The following AUTS2 variants were observed in gnomAD, a reference collection of about 807,000 sequenced individuals.
The protein encoded by AUTS2 is activator of transcription and developmental regulator AUTS2, also known as autism susceptibility gene 2 protein.
In AUTS2, 17 loss-of-function variants were observed where a neutral mutation model predicts 112.4. The observed-to-expected ratio is 0.15, with a 90% confidence interval of 0.10 to 0.23. The LOEUF is 0.23. AUTS2 is among the 10% of genes least tolerant of loss of function. The pLI is 1.00. For missense variants in AUTS2, 1,510 were observed against 1,701.6 expected (o/e 0.89, Z 1.98); for synonymous variants, 751 against 702.7 (o/e 1.07, Z -1.09).
chr7:69,671,239 T>C (rs1260260311), intron 1 of AUTS2, among the ~76,000 whole-genome samples: 1 of 152,168 alleles, frequency 6.6e-6, no homozygotes, highest in Non-Finnish European at 1.5e-5. Context: ...GAGAAGAAAC[T>C]TCTAGACCTT....
chr7:70,159,067 A>G (rs1807940496), intron 4 of AUTS2, among the ~76,000 whole-genome samples: 1 of 152,158 alleles, frequency 6.6e-6, no homozygotes. Context: ...CGTAGCATCA[A>G]CCTGCATCTT....
intron 1 of AUTS2, among the ~76,000 whole-genome samples, chr7:69,853,070 T>C (rs1792560936): frequency 6.6e-6 from 1 of 152,210 alleles, no homozygotes; most frequent in Non-Finnish European, 1.5e-5. Flanking sequence ...GTCTATGTTA[T>C]TTGTTCTGAG....
intron 5 of AUTS2, among the ~76,000 whole-genome samples, chr7:70,481,348 C>A (rs932742015): frequency 1.3e-5 from 2 of 152,152 alleles, no homozygotes; most frequent in Admixed American, 1.3e-4. Context: ...TGAATAAATG[C>A]CACGTCATGA....
intron 5 of AUTS2, among the ~76,000 whole-genome samples, chr7:70,482,401 A>G (rs1427018973): frequency 3.9e-5 from 6 of 152,174 alleles, no homozygotes; most frequent in Admixed American, 1.3e-4. Context: ...GAGGTCAAGG[A>G]AGGGAAAGGA....
At chr7:70,754,372 C>T (rs1199784530) in intron 6 of AUTS2, among the ~76,000 whole-genome samples, 1 of 152,078 alleles carries the variant, frequency 6.6e-6, no homozygotes, top group Non-Finnish European at 1.5e-5. Flanking sequence ...GCCTCAGCCT[C>T]CCAGCTACTT....
At chr7:69,898,899 A>G (rs148939213) in intron 1 of AUTS2, among the ~76,000 whole-genome samples, 74 of 152,286 alleles carry the variant, frequency 4.9e-4, no homozygotes, top group African/African-American at 1.7e-3. Flanking sequence ...CTTAGTGCTC[A>G]TTTTCTGAAA....
intron 5 of AUTS2, among the ~76,000 whole-genome samples, chr7:70,516,010 C>T (rs1476854330): frequency 6.6e-6 from 1 of 152,156 alleles, no homozygotes; most frequent in Non-Finnish European, 1.5e-5. Flanking sequence ...TTCATTTCTG[C>T]CCTGCTCTAA....
intron 1 of AUTS2, among the ~76,000 whole-genome samples, chr7:69,875,707 C>CCTTA (rs1374642014): frequency 6.6e-6 from 1 of 152,072 alleles, no homozygotes; most frequent in Non-Finnish European, 1.5e-5. Context: ...CCCAATTGAA[C>CCTTA]CTTATGGAGA....
intron 3 of AUTS2, among the ~76,000 whole-genome samples, chr7:70,128,141 C>T (rs1221281018): frequency 6.6e-6 from 1 of 152,142 alleles, no homozygotes; most frequent in Admixed American, 6.5e-5. Context: ...AAATCTGTGC[C>T]ACATTTTCCT....
chr7:70,029,827 G>T (rs926856399), intron 2 of AUTS2, among the ~76,000 whole-genome samples: 1 of 152,138 alleles, frequency 6.6e-6, no homozygotes, highest in Non-Finnish European at 1.5e-5. Context: ...CACAGCAATC[G>T]TAATATGAAA....
chr7:69,727,855 A>G (rs1489192798), intron 1 of AUTS2, among the ~76,000 whole-genome samples: 1 of 152,136 alleles, frequency 6.6e-6, no homozygotes, highest in East Asian at 1.9e-4. Flanking sequence ...TCCAGTTCTT[A>G]AAAAGAAAGG....
intron 1 of AUTS2, among the ~76,000 whole-genome samples, chr7:69,706,493 A>G (rs540739734): frequency 6.6e-6 from 1 of 152,312 alleles, no homozygotes; most frequent in African/African-American, 2.4e-5. Context: ...AGGCCAGGAT[A>G]GTTGAGTTTT....
rs1231041380 is a variant in AUTS2, at chr7:70,082,507, AAGG to A, written c.523-35623_523-35621del. ...TCTGGTTTTAATGATGGAATTCCCAAAGGACTAAAATTGTTCCAAATGTCTGAA... is the reference window on the plus strand; with the variant it reads ...TCTGGTTTTAATGATGGAATTCCCAAACTAAAATTGTTCCAAATGTCTGAA... On this transcript the variant is annotated intron_variant, in intron 2 of 18. Coordinates refer to ENST00000342771, the MANE Select transcript of AUTS2 (RefSeq NM_015570.4). 2.6e-5 allele frequency among the ~76,000 whole-genome samples: 4 copies of A among 152,308 alleles called. No homozygotes were observed. In the East Asian group the frequency reaches 7.7e-4, roughly 29 times the overall value.
chr7:70,536,753 A>G (rs1266959485), intron 5 of AUTS2, among the ~76,000 whole-genome samples: 6 of 151,760 alleles, frequency 4.0e-5, no homozygotes, highest in African/African-American at 1.2e-4. Context: ...ATACAAAATT[A>G]GCCGGGCGAG....
At chr7:70,028,123 C>T (rs1161535621) in intron 2 of AUTS2, among the ~76,000 whole-genome samples, 1 of 151,290 alleles carries the variant, frequency 6.6e-6, no homozygotes, top group South Asian at 2.1e-4. Flanking sequence ...CTCTCTGACT[C>T]TCTCTCTTCT....
chr7:70,306,255 T>C (rs1386659608), intron 4 of AUTS2, among the ~76,000 whole-genome samples: 1 of 152,202 alleles, frequency 6.6e-6, no homozygotes. Flanking sequence ...GTGATGGTAG[T>C]AGATAAAACT....
chr7:70,152,632 A>G (rs6946066), intron 4 of AUTS2, among the ~76,000 whole-genome samples: 32,849 of 152,026 alleles, frequency 0.22, 3,533 homozygotes, highest in Middle Eastern at 0.33. Context: ...CACAATATAT[A>G]AAGAGATCTT....
chr7:69,654,821 G>A (rs947981252), intron 1 of AUTS2, among the ~76,000 whole-genome samples: 2 of 152,098 alleles, frequency 1.3e-5, no homozygotes, highest in African/African-American at 2.4e-5. Flanking sequence ...GCAACTGTGT[G>A]TTTTAAAGAA....
intron 4 of AUTS2, among the ~76,000 whole-genome samples, chr7:70,350,016 G>T (rs1791676400): frequency 1.3e-5 from 2 of 152,190 alleles, no homozygotes; most frequent in Non-Finnish European, 2.9e-5. Context: ...AACAGGAGAG[G>T]CTGGATTAGG....
Sources: gnomAD v4.1 joint callset for allele counts (sites outside exome capture counted in the v4.1 genomes callset) on GRCh38, gnomAD v4.1.1 for gene constraint, MANE v1.5 for transcripts, NCBI Gene and HGNC (gene_info 2026-07-23, HGNC 2026-07-21) for gene names.